The following SLIT2 variants were observed in gnomAD, a reference collection of about 807,000 sequenced individuals.
SLIT2 encodes the protein slit homolog 2 protein.
SLIT2 carries 41 observed loss-of-function variants against 185.7 expected under a neutral mutation model. That is an observed-to-expected ratio of 0.22 (90% CI 0.17 to 0.29). The LOEUF is 0.29. Among genes scored for constraint, SLIT2 ranks in the 10% least tolerant of loss-of-function variants. SLIT2 has a pLI of 1.00. For missense variants in SLIT2, 1,571 were observed against 1,909.0 expected (o/e 0.82, Z 3.30); for synonymous variants, 693 against 680.2 (o/e 1.02, Z -0.29).
chr4:20,518,607 T>A (rs1720522912), intron 11 of SLIT2, among the ~76,000 whole-genome samples: 1 of 32,830 alleles, frequency 3.0e-5, no homozygotes, highest in African/African-American at 1.1e-4. Flanking sequence ...TTTTTTTTTT[T>A]TTTTTTTTTT....
chr4:20,330,553 A>G (rs1254688046), intron 4 of SLIT2, among the ~76,000 whole-genome samples: 1 of 152,074 alleles, frequency 6.6e-6, no homozygotes, highest in Non-Finnish European at 1.5e-5. Flanking sequence ...GGAAAAATGA[A>G]TTAATAGTTT....
At chr4:20,276,813 A>G (rs920020833) in intron 4 of SLIT2, among the ~76,000 whole-genome samples, 25 of 152,164 alleles carry the variant, frequency 1.6e-4, no homozygotes, top group Admixed American at 1.3e-4. Context: ...TGTTTGTTCT[A>G]TGTCTTAAAC....
At chr4:20,412,613 T>G (rs778945174) in intron 4 of SLIT2, among the ~76,000 whole-genome samples, 15 of 152,126 alleles carry the variant, frequency 9.9e-5, no homozygotes, top group Non-Finnish European at 2.1e-4. Flanking sequence ...TGAGGCCTGA[T>G]AAGTTACCTT....
At chr4:20,331,647 A>G (rs1395148219) in intron 4 of SLIT2, among the ~76,000 whole-genome samples, 1 of 152,106 alleles carries the variant, frequency 6.6e-6, no homozygotes, top group African/African-American at 2.4e-5. Flanking sequence ...TATAATTCAA[A>G]TGCCATAAAA....
intron 9 of SLIT2, among the ~76,000 whole-genome samples, chr4:20,506,181 A>G (rs74417123): frequency 0.034 from 5,227 of 152,108 alleles, 190 homozygotes; most frequent in African/African-American, 0.086. Flanking sequence ...CTCCTTTTAC[A>G]TGGAAAAGTC....
chr4:20,379,306 A>T (rs775215348), intron 4 of SLIT2, among the ~76,000 whole-genome samples: 1 of 152,182 alleles, frequency 6.6e-6, no homozygotes, highest in Non-Finnish European at 1.5e-5. Context: ...AACTGCTCTA[A>T]AATTAATAAA....
At chr4:20,418,498 A>G (rs1183475693) in intron 4 of SLIT2, among the ~76,000 whole-genome samples, 1 of 152,206 alleles carries the variant, frequency 6.6e-6, no homozygotes, top group Non-Finnish European at 1.5e-5. Flanking sequence ...GAGGGCGGCC[A>G]ATAGATCTAC....
At chr4:20,437,058 T>G (rs1408086625) in intron 4 of SLIT2, among the ~76,000 whole-genome samples, 1 of 152,208 alleles carries the variant, frequency 6.6e-6, no homozygotes, top group African/African-American at 2.4e-5. Flanking sequence ...TGTAAGCATT[T>G]TGTCTCATTC....
intron 4 of SLIT2, among the ~76,000 whole-genome samples, chr4:20,316,552 A>G (rs1718607589): frequency 6.6e-6 from 1 of 151,836 alleles, no homozygotes; most frequent in Non-Finnish European, 1.5e-5. Flanking sequence ...AAACACTTCC[A>G]TTCTTTAAGT....
At chr4:20,292,553 A>G (rs1301389430) in intron 4 of SLIT2, among the ~76,000 whole-genome samples, 2 of 152,158 alleles carry the variant, frequency 1.3e-5, no homozygotes, top group Non-Finnish European at 2.9e-5. Flanking sequence ...ACACTCTGAC[A>G]TAGTACTAGG....
rs1013991154 is a variant in SLIT2 at position 20,578,311 on chromosome 4, A to G, written c.3088+9307A>G. Reference sequence around the variant, plus strand: ...TAGTGTACTTTTAAGAAACTAAATCATATTTTTTATCTATTAGGTTGCTTA... The same window carrying G: ...TAGTGTACTTTTAAGAAACTAAATCGTATTTTTTATCTATTAGGTTGCTTA... On this transcript the variant is annotated intron_variant, in intron 29 of 36. Coordinates refer to ENST00000504154, the MANE Select transcript of SLIT2 (RefSeq NM_004787.4). Among the ~76,000 whole-genome samples, 7 of 152,176 alleles carry G rather than the reference A, an allele frequency of 4.6e-5. No homozygotes were observed. The East Asian group carries it at 1.2e-3, about 25-fold the overall frequency.
intron 10 of SLIT2, 24 bp downstream of exon 10, chr4:20,510,590 A>G (rs755087324): frequency 4.1e-6 from 6 of 1,462,590 alleles, no homozygotes; most frequent in Non-Finnish European, 5.7e-6. Flanking sequence ...ATTCTACAAT[A>G]TATGTAATTT....
intron 4 of SLIT2, among the ~76,000 whole-genome samples, chr4:20,297,675 A>G (rs1716618091): frequency 1.5e-5 from 2 of 135,094 alleles, no homozygotes; most frequent in East Asian, 7.6e-4. Flanking sequence ...TCTTATTGCT[A>G]ATTTTAAAAA....
intron 3 of SLIT2, among the ~76,000 whole-genome samples, chr4:20,261,364 C>A (rs1225494185): frequency 6.6e-6 from 1 of 151,836 alleles, no homozygotes; most frequent in Non-Finnish European, 1.5e-5. Flanking sequence ...TTATATACCT[C>A]AAGGAAGATA....
chr4:20,481,432 C>T (rs948432640), intron 6 of SLIT2, among the ~76,000 whole-genome samples: 1 of 152,078 alleles, frequency 6.6e-6, no homozygotes, highest in African/African-American at 2.4e-5. Context: ...AATGAAATTA[C>T]AAATTTTAAT....
intron 4 of SLIT2, among the ~76,000 whole-genome samples, chr4:20,377,511 A>G (rs1724124478): frequency 1.3e-5 from 2 of 152,166 alleles, no homozygotes; most frequent in South Asian, 4.1e-4. Context: ...TAGAAGACAA[A>G]TAAAGAGCTG....
chr4:20,368,219 C>CAAAAAAAAAAAAAAGA (rs1723273594), intron 4 of SLIT2, among the ~76,000 whole-genome samples: 10 of 107,426 alleles, frequency 9.3e-5, no homozygotes, highest in Non-Finnish European at 1.7e-4. Context: ...CACAAAATAG[C>CAAAAAAAAAAAAAAGA]AAAAAAAAAA....
intron 4 of SLIT2, among the ~76,000 whole-genome samples, chr4:20,340,545 T>G (rs1236366852): frequency 6.6e-6 from 1 of 152,126 alleles, no homozygotes; most frequent in Non-Finnish European, 1.5e-5. Flanking sequence ...CTCATAGAGT[T>G]TAATTTATGG....
intron 4 of SLIT2, among the ~76,000 whole-genome samples, chr4:20,370,875 G>A (rs1292541124): frequency 6.6e-6 from 1 of 152,038 alleles, no homozygotes; most frequent in Non-Finnish European, 1.5e-5. Flanking sequence ...ATGTATGCCG[G>A]ATATATGATA....
Sources: allele counts gnomAD v4.1 joint callset (sites outside exome capture counted in the v4.1 genomes callset), GRCh38; gene constraint gnomAD v4.1.1; transcripts MANE v1.5; gene names NCBI Gene and HGNC (gene_info 2026-07-23, HGNC 2026-07-21).